The following ADGRG4 variants were observed in gnomAD, a reference collection of about 807,000 sequenced individuals.
ADGRG4 encodes G protein-coupled receptor 112.
In ADGRG4, 122 loss-of-function variants were observed where a neutral mutation model predicts 126.2. That is an observed-to-expected ratio of 0.97 (90% confidence interval 0.83 to 1.12). The LOEUF (loss-of-function observed/expected upper bound fraction) is 1.12. Among genes scored for constraint, ADGRG4 ranks in the 50% most tolerant of loss-of-function variants. The pLI, the probability that ADGRG4 is intolerant of heterozygous loss-of-function variation, is 0.00. For synonymous variants in ADGRG4, 943 were observed against 838.7 expected (o/e 1.12, Z -2.15); for missense variants, 2,481 against 2,251.8 (o/e 1.10, Z -2.06).
Position 136,346,619 on chromosome X carries a change from A to C in ADGRG4, c.2913A>C (p.Thr971=), listed in dbSNP as rs1480765856. The part of the protein sequence containing the change: ...IFGEPLGAST[T]RISETSFSTT... ...GTGAACCCCTGGGTGCTTCTACCAC[A>C]AGGATATCAGAAACCAGTTTCTCCA... Residue 971 remains threonine, a synonymous_variant, in exon 6 of 26, where the codon ACA becomes ACC. Transcript: ENST00000394143. 9 of 1,208,649 alleles carry C rather than the reference A, an allele frequency of 7.4e-6. No homozygotes were observed. The highest frequency in any genetic ancestry group is 1.0e-5 in the Non-Finnish European group (9 of 894,005).
At chrX:136,383,793 T>C (rs1341599899) in intron 15 of ADGRG4, among the ~76,000 whole-genome samples, 1 of 110,836 alleles carries the variant, frequency 9.0e-6, no homozygotes, top group African/African-American at 3.3e-5. Flanking sequence ...GTTTACTGAC[T>C]CTTTAATTAT....
chrX:136,394,928 G>A lies in ADGRG4; in HGVS notation c.8081-462G>A, dbSNP rs373993453. Among the ~76,000 whole-genome samples the A allele has an allele frequency of 2.7e-5, 3 of 111,835 alleles. No individual in the cohort carries two copies. The East Asian group carries it at 8.5e-4, about 32-fold the overall frequency. On this transcript the variant is annotated intron_variant, in intron 18 of 25. Transcript: ENST00000394143. ...CAGAGGCTCTAATTGGCCCTGCAGA[G>A]CTCCAGACCATGATCTGACTTTGAT...
chrX:136,357,602 T>C (rs1021969810), intron 9 of ADGRG4, 102 bp from the exon 10 acceptor site: 1 of 580,101 alleles, frequency 1.7e-6, no homozygotes. Context: ...GTTACATAAA[T>C]GTGAAGCATA....
intron 23 of ADGRG4, among the ~76,000 whole-genome samples, chrX:136,408,479 T>C (rs1328020720): frequency 5.3e-5 from 6 of 112,709 alleles, no homozygotes; most frequent in African/African-American, 1.9e-4. Context: ...CTTGGTTTTC[T>C]GTTCCTTCAT....
intron 5 of ADGRG4, among the ~76,000 whole-genome samples, chrX:136,334,393 A>G (rs2074936874): frequency 9.0e-6 from 1 of 111,330 alleles, no homozygotes; most frequent in Non-Finnish European, 1.9e-5. Context: ...GATTCCTCTA[A>G]CCTTATTCTT....
At chrX:136,367,059 A>G (rs187217613) in intron 13 of ADGRG4, among the ~76,000 whole-genome samples, 2 of 111,485 alleles carry the variant, frequency 1.8e-5, no homozygotes, top group African/African-American at 6.5e-5. Context: ...ATGGCGGTCT[A>G]TGAGCCAGGA....
At chrX:136,401,201 G>A (rs7881859) in intron 21 of ADGRG4, among the ~76,000 whole-genome samples, 5,652 of 111,624 alleles carry the variant, frequency 0.051, 370 homozygotes, top group African/African-American at 0.17. Flanking sequence ...TCCATCGGAA[G>A]CACAGAGACA....
intron 8 of ADGRG4, among the ~76,000 whole-genome samples, chrX:136,353,779 C>T (rs2075077076): frequency 8.9e-6 from 1 of 112,118 alleles, no homozygotes. Context: ...GAATGATTCA[C>T]TTTCAGAAAA....
At chrX:136,359,727 C>T (rs911413647) in intron 11 of ADGRG4, among the ~76,000 whole-genome samples, 1 of 111,498 alleles carries the variant, frequency 9.0e-6, no homozygotes, top group Non-Finnish European at 1.9e-5. Context: ...GGAGGATTTT[C>T]TCTCTTGCAT....
At chrX:136,337,142 A>T (rs189708812) in intron 5 of ADGRG4, among the ~76,000 whole-genome samples, 94 of 111,028 alleles carry the variant, frequency 8.5e-4, no homozygotes, top group African/African-American at 2.2e-3. Flanking sequence ...TTTTAAAAAA[A>T]TTTTTTGATA....
intron 5 of ADGRG4, among the ~76,000 whole-genome samples, chrX:136,339,907 A>G (rs903862945): frequency 2.7e-5 from 3 of 112,101 alleles, no homozygotes; most frequent in Non-Finnish European, 3.8e-5. Context: ...CAACAAAATG[A>G]CAGAGATAAT....
At chrX:136,322,709 A>C in intron 4 of ADGRG4, 69 bp from the exon 5 acceptor site, 1 of 1,028,736 alleles carries the variant, frequency 9.7e-7, no homozygotes, top group Non-Finnish European at 1.3e-6. Context: ...TGTATTGCCA[A>C]ATACAATAAA....
At chrX:136,413,316 C>T (rs906368099) in intron 24 of ADGRG4, among the ~76,000 whole-genome samples, 1 of 105,332 alleles carries the variant, frequency 9.5e-6, no homozygotes, top group Non-Finnish European at 1.9e-5. Flanking sequence ...TCAATTCCCA[C>T]CTATGAGTGA....
chrX:136,363,359 T>C, intron 12 of ADGRG4, 118 bp from the exon 13 acceptor site: 1 of 547,206 alleles, frequency 1.8e-6, no homozygotes, highest in South Asian at 2.8e-5. Flanking sequence ...CTTTGCTTTC[T>C]ATGCCAGGAG....
At chrX:136,315,102 C>T (rs778847140) in intron 4 of ADGRG4, among the ~76,000 whole-genome samples, 23 of 110,143 alleles carry the variant, frequency 2.1e-4, no homozygotes, top group Non-Finnish European at 3.2e-4. Flanking sequence ...CAGGGTTGGA[C>T]GCTTCTATAT....
chrX:136,331,349 T>C (rs1284592492), intron 5 of ADGRG4, among the ~76,000 whole-genome samples: 1 of 112,689 alleles, frequency 8.9e-6, no homozygotes, highest in Non-Finnish European at 1.9e-5. Context: ...CCCTCTCTTT[T>C]GGGTATACAC....
intron 23 of ADGRG4, among the ~76,000 whole-genome samples, chrX:136,409,119 A>G (rs183760862): frequency 9.0e-6 from 1 of 111,192 alleles, no homozygotes; most frequent in Non-Finnish European, 1.9e-5. Context: ...CAAACAGTGG[A>G]ACAAGTGAAC....
Position 136,345,790 on chromosome X carries a change from A to G in ADGRG4, c.2084A>G (p.Tyr695Cys). The change falls in exon 6 of 26, where the codon TAT becomes TGT. Residue 695 changes from tyrosine (Y) to cysteine (C), a missense_variant. Coordinates refer to ENST00000394143, the MANE Select transcript of ADGRG4 (RefSeq NM_153834.4). Reference sequence around the variant, plus strand: ...CATGAGAATACTACTTATACAGAATATTTATCCGCAACTACCAATATCACC... The same window carrying G: ...CATGAGAATACTACTTATACAGAATGTTTATCCGCAACTACCAATATCACC... ...AFHENTTYTEYLSATTNITPL... is the reference protein window; with the variant it reads ...AFHENTTYTECLSATTNITPL... 8.3e-7 allele frequency: 1 copy of G among 1,210,334 alleles called. No homozygotes were observed.
rs1364247485 is a variant in ADGRG4, at chrX:136,361,485, C to T, written c.7175C>T (p.Ala2392Val). The T allele has an allele frequency of 5.1e-6, 6 of 1,175,868 alleles. No homozygotes were observed. The highest frequency in any genetic ancestry group is 6.9e-6 in the Non-Finnish European group (6 of 874,584). The stretch of plus-strand genomic sequence containing the variant: ...GGAAATTGCAAAGCTGATGAAACAG[C>T]CTCTAAATACAAAGGGACCTATAAG... ...EPGNCKADET[A>V]SKYKGTYKWL... The change falls in exon 12 of 26, where the codon GCC becomes GTC. Residue 2392 changes from alanine to valine, a missense_variant. Physicochemically the swap from Ala to Val is moderately conservative, Grantham distance 64. Coordinates refer to ENST00000394143, the MANE Select transcript of ADGRG4 (RefSeq NM_153834.4).
Sources: allele counts gnomAD v4.1 joint callset (sites outside exome capture counted in the v4.1 genomes callset), GRCh38; gene constraint gnomAD v4.1.1; transcripts MANE v1.5; gene names NCBI Gene and HGNC (gene_info 2026-07-23, HGNC 2026-07-21).